Variants in CDH20 observed in about 807,000 individuals in gnomAD.
The protein encoded by CDH20 is cadherin 20.
In CDH20, 29 loss-of-function variants were observed where a neutral mutation model predicts 74.2. That is an observed-to-expected ratio of 0.39 (90% CI 0.29 to 0.53). CDH20 has a LOEUF of 0.53. CDH20 is among the 20% of genes least tolerant of loss of function. CDH20 has a pLI of 0.69. For synonymous variants in CDH20, 469 were observed against 405.4 expected, an observed-to-expected ratio of 1.16 and a Z score of -1.88; for missense variants, 988 against 1,048.3, an observed-to-expected ratio of 0.94 and a Z score of 0.79.
intron 1 of CDH20, among the ~76,000 whole-genome samples, chr18:61,418,827 G>A (rs971151912): frequency 8.6e-5 from 13 of 151,986 alleles, no homozygotes; most frequent in Non-Finnish European, 1.5e-4. Context: ...AGCCATTATT[G>A]TCAGCTTGTT....
At chr18:61,404,997 C>G (rs911309740) in intron 1 of CDH20, 1 of 706,866 alleles carries the variant, frequency 1.4e-6, no homozygotes, top group South Asian at 1.4e-5. Context: ...GTGATGGACA[C>G]CAGTTTTGAC....
rs563446406 is a variant in CDH20 at position 61,493,763 on chromosome 18, AT to A, written c.246+2967del. Among the ~76,000 whole-genome samples the A allele has an allele frequency of 3.4e-4, 52 of 152,344 alleles. No homozygotes were observed. The South Asian group carries it at 0.01, about 30-fold the overall frequency. ...TCTAGCTTCTCCATATCTATATAAC[AT>A]TTCTTCCAAATAGACATACATGGCC... On this transcript the variant is annotated intron_variant, in intron 2 of 11. Coordinates refer to ENST00000262717, the MANE Select transcript of CDH20 (RefSeq NM_031891.4).
intron 1 of CDH20, among the ~76,000 whole-genome samples, chr18:61,461,013 C>T (rs1237178771): frequency 6.6e-6 from 1 of 152,048 alleles, no homozygotes; most frequent in African/African-American, 2.4e-5. Flanking sequence ...TTTCTGTTCA[C>T]TAACGGTAAT....
intron 1 of CDH20, among the ~76,000 whole-genome samples, chr18:61,452,722 A>C (rs1302931497): frequency 6.6e-6 from 1 of 152,146 alleles, no homozygotes; most frequent in Non-Finnish European, 1.5e-5. Flanking sequence ...ACAGCTATGT[A>C]ACACTTGTAT....
intron 8 of CDH20, among the ~76,000 whole-genome samples, chr18:61,538,631 T>TTG: frequency 8.3e-6 from 1 of 120,672 alleles, no homozygotes; most frequent in Non-Finnish European, 1.8e-5. Context: ...TTTTGTTTTT[T>TTG]TTTTTGAGAC....
intron 1 of CDH20, among the ~76,000 whole-genome samples, chr18:61,347,180 G>T (rs1312012000): frequency 6.6e-6 from 1 of 150,938 alleles, no homozygotes; most frequent in African/African-American, 2.4e-5. Flanking sequence ...CAGGCTCAGT[G>T]GTTCATGCCT....
intron 1 of CDH20, among the ~76,000 whole-genome samples, chr18:61,377,113 G>A (rs1353217338): frequency 6.6e-6 from 1 of 152,080 alleles, no homozygotes; most frequent in African/African-American, 2.4e-5. Flanking sequence ...AATTTACACG[G>A]TCAAAACTGA....
chr18:61,510,839 T>C (rs1316937684), intron 6 of CDH20, among the ~76,000 whole-genome samples: 1 of 152,194 alleles, frequency 6.6e-6, no homozygotes, highest in Admixed American at 6.5e-5. Flanking sequence ...ACAATACTAT[T>C]TTGGTATATG....
chr18:61,391,813 TAAAA>T (rs150202221), intron 1 of CDH20: 1 of 151,812 alleles, frequency 6.6e-6, no homozygotes, highest in Non-Finnish European at 1.5e-5. Flanking sequence ...GCAAAAATTT[TAAAA>T]AAAATAAAAA....
At chr18:61,410,843 A>C (rs1405202352) in intron 1 of CDH20, among the ~76,000 whole-genome samples, 1 of 152,246 alleles carries the variant, frequency 6.6e-6, no homozygotes, top group Non-Finnish European at 1.5e-5. Flanking sequence ...GGCCTTTCTC[A>C]GCATAGGCAT....
At position 61,466,093 on chromosome 18, in the gene CDH20, T is replaced by C. The variant is rs1312982343; in HGVS notation, c.-152-24309T>C. Among the ~76,000 whole-genome samples the C allele has an allele frequency of 4.0e-5, 6 of 150,352 alleles. No individual in the cohort carries two copies. The East Asian group carries it at 1.2e-3, about 29-fold the overall frequency. On this transcript the variant is annotated intron_variant, in intron 1 of 11. Coordinates refer to ENST00000262717, the MANE Select transcript of CDH20 (RefSeq NM_031891.4). The stretch of plus-strand genomic sequence containing the variant: ...ATATATTTTCTCATTAAGCTATATA[T>C]ATATATATATAGCTATTTATATATA...
chr18:61,499,069 A>AT (rs1911268976), intron 2 of CDH20, 117 bp from the exon 3 acceptor site: 1 of 764,632 alleles, frequency 1.3e-6, no homozygotes. Flanking sequence ...CTTATTAAAC[A>AT]TTTGAAAAAT....
At chr18:61,491,644 A>T (rs930703492) in intron 2 of CDH20, among the ~76,000 whole-genome samples, 1 of 152,134 alleles carries the variant, frequency 6.6e-6, no homozygotes, top group Admixed American at 6.5e-5. Context: ...GATTGAGAGA[A>T]CTGCTCCTTC....
chr18:61,520,256 C>T (rs1912149886), intron 6 of CDH20, among the ~76,000 whole-genome samples: 1 of 138,846 alleles, frequency 7.2e-6, no homozygotes, highest in South Asian at 2.3e-4. Context: ...GCGGAGCTTG[C>T]AGTGAGCCTA....
chr18:61,526,997 A>G (rs553059591), intron 6 of CDH20, among the ~76,000 whole-genome samples: 1 of 152,130 alleles, frequency 6.6e-6, no homozygotes, highest in Non-Finnish European at 1.5e-5. Flanking sequence ...CCTGACCAAC[A>G]TGGTGAAACC....
At chr18:61,511,460 A>G (rs774565481) in intron 6 of CDH20, among the ~76,000 whole-genome samples, 1 of 152,170 alleles carries the variant, frequency 6.6e-6, no homozygotes, top group Non-Finnish European at 1.5e-5. Context: ...CTAGGATTAC[A>G]GGCATGAGCC....
intron 2 of CDH20, among the ~76,000 whole-genome samples, chr18:61,495,601 G>A (rs1209572501): frequency 6.6e-6 from 1 of 152,096 alleles, no homozygotes; most frequent in Non-Finnish European, 1.5e-5. Context: ...GCACCTCCTC[G>A]AAGCTCCTGC....
intron 1 of CDH20, among the ~76,000 whole-genome samples, chr18:61,345,138 G>A (rs905396081): frequency 1.1e-4 from 17 of 152,126 alleles, no homozygotes; most frequent in Admixed American, 6.5e-4. Flanking sequence ...CCACCAATCC[G>A]GACAATATTG....
rs556533831 is a variant in CDH20, at chr18:61,523,563, T to C, written c.1018-4404T>C. 2.0e-5 allele frequency among the ~76,000 whole-genome samples: 3 copies of C among 152,268 alleles called. No individual in the cohort carries two copies. The South Asian group carries it at 6.2e-4, about 32-fold the overall frequency. ...ATACCATATGACCCAGCAATCCCAT[T>C]ACTGGGTATATACCCAAAGGATTAT... On this transcript the variant is annotated intron_variant, in intron 6 of 11. Coordinates refer to ENST00000262717, the MANE Select transcript of CDH20 (RefSeq NM_031891.4).
Sources: allele counts gnomAD v4.1 joint callset (sites outside exome capture counted in the v4.1 genomes callset), GRCh38; gene constraint gnomAD v4.1.1; transcripts MANE v1.5; gene names NCBI Gene and HGNC (gene_info 2026-07-23, HGNC 2026-07-21).